The following GINS3 variants were observed in gnomAD, a reference collection of about 807,000 sequenced individuals.
GINS3 encodes DNA replication complex GINS protein PSF3.
Under a neutral mutation model 20.0 loss-of-function variants are expected in GINS3, and 18 were observed. The observed-to-expected ratio is 0.90, with a 90% confidence interval of 0.62 to 1.33. The LOEUF (loss-of-function observed/expected upper bound fraction) is 1.33. Among genes scored for constraint, GINS3 ranks in the 40% most tolerant of loss-of-function variants. The pLI is 0.00. For synonymous variants in GINS3, 109 were observed against 107.0 expected (o/e 1.02, Z -0.12); for missense variants, 254 against 273.6 (o/e 0.93, Z 0.51).
At chr16:58,404,237 A>G in intron 2 of GINS3, 1 of 454,816 alleles carries the variant, frequency 2.2e-6, no homozygotes, top group East Asian at 4.0e-5. Flanking sequence ...TGTGCTAGCC[A>G]TTTGCTAGGT....
At position 58,397,209 on chromosome 16, in the gene GINS3, C is replaced by T. The variant is rs560305137; in HGVS notation, c.186+4422C>T. Reference sequence around the variant, plus strand: ...GCAGAGGGTCTCCTCACTTCTCAGACGGGGCGGCCGGGCAGAGATGCTCCT... The same window carrying T: ...GCAGAGGGTCTCCTCACTTCTCAGATGGGGCGGCCGGGCAGAGATGCTCCT... On this transcript the variant is annotated intron_variant, in intron 1 of 2. Transcript: ENST00000318129. Among the ~76,000 whole-genome samples the T allele has an allele frequency of 6.2e-3, 875 of 142,204 alleles. 8 individuals carry two copies. Among genetic ancestry groups the T allele is most frequent in the African/African-American group, 0.022 (832 of 37,560 alleles). The allele number at this position is 142,204 out of a possible 152,430, so 93.3% of individuals were successfully genotyped here.
At position 58,404,454 on chromosome 16, in the gene GINS3, G is replaced by A. The variant is rs200509630; in HGVS notation, c.421-45G>A. On this transcript the variant is annotated intron_variant, in intron 2 of 2. Transcript: ENST00000318129. The stretch of plus-strand genomic sequence containing the variant: ...AGATAAAAATGGATATGACTTTGTG[G>A]GGTGTGAGGTCAACCCTGACTTGTC... 1,233 of 1,210,860 alleles carry A rather than the reference G, an allele frequency of 1.0e-3. 1 individual carries two copies. Among genetic ancestry groups the A allele is most frequent in the Non-Finnish European group, 1.4e-3 (1,117 of 816,318 alleles). 75.0% of individuals were successfully genotyped at this position (1,210,860 alleles called of 1,614,324 possible). A position where few individuals can be genotyped will look rare whatever the true frequency, so the allele number is the denominator to read the frequency against.
chr16:58,402,989 C>G, intron 1 of GINS3, 109 bp from the exon 2 acceptor site: 1 of 838,224 alleles, frequency 1.2e-6, no homozygotes, highest in Non-Finnish European at 1.9e-6. Context: ...CAGCCACTCC[C>G]CCAAAGAGAA....
chr16:58,401,875 A>G (rs991243213), intron 1 of GINS3, among the ~76,000 whole-genome samples: 1 of 148,564 alleles, frequency 6.7e-6, no homozygotes, highest in Non-Finnish European at 1.5e-5. Flanking sequence ...TTTTATTAGT[A>G]TTTATTCTAT....
At position 58,405,530 on chromosome 16, in the gene GINS3, G is replaced by A. The variant is rs1466054402; in HGVS notation, c.*801G>A. 6.6e-6 allele frequency: 1 copy of A among 152,122 alleles called. No individual in the cohort carries two copies. Among genetic ancestry groups the A allele is most frequent in the Non-Finnish European group, 1.5e-5 (1 of 68,028 alleles). 9.4% of individuals were successfully genotyped at this position (152,122 alleles called of 1,614,324 possible). On this transcript the variant is annotated 3_prime_UTR_variant, in exon 3 of 3. Transcript: ENST00000318129. Reference sequence around the variant, plus strand: ...TTGGAATTGCAATGTAGTTATTAAGGGCTGTTAACCAGCCTGCATTACATC... The same window carrying A: ...TTGGAATTGCAATGTAGTTATTAAGAGCTGTTAACCAGCCTGCATTACATC...
chr16:58,402,669 G>A (rs772049860), intron 1 of GINS3, among the ~76,000 whole-genome samples: 9 of 152,128 alleles, frequency 5.9e-5, no homozygotes, highest in Non-Finnish European at 1.3e-4. Flanking sequence ...CTCAAGCTCA[G>A]GTTGATCTTA....
intron 1 of GINS3, among the ~76,000 whole-genome samples, chr16:58,396,849 G>A (rs1324294085): frequency 9.1e-5 from 11 of 121,090 alleles, no homozygotes; most frequent in South Asian, 2.7e-4. Flanking sequence ...GGGCAGAGGC[G>A]CCCCTCACCT....
rs1391289157 is a variant in GINS3 at position 58,404,875 on chromosome 16, C to G, written c.*146C>G. ...CCATAGAGAATTATAGGGAACTGGACATGCTGGAGGATGTGGGTGTCCCTG... is the reference window on the plus strand; with the variant it reads ...CCATAGAGAATTATAGGGAACTGGAGATGCTGGAGGATGTGGGTGTCCCTG... On this transcript the variant is annotated 3_prime_UTR_variant, in exon 3 of 3. Transcript: ENST00000318129. 1.5e-6 allele frequency: 1 copy of G among 651,268 alleles called. No individual in the cohort carries two copies. Among genetic ancestry groups the G allele is most frequent in the African/African-American group, 1.8e-5 (1 of 54,866 alleles). 40.3% of individuals were successfully genotyped at this position (651,268 alleles called of 1,614,324 possible).
intron 1 of GINS3, among the ~76,000 whole-genome samples, chr16:58,396,087 G>A (rs940209151): frequency 2.8e-5 from 4 of 144,272 alleles, no homozygotes; most frequent in Non-Finnish European, 4.6e-5. Context: ...CGGGCGGGGG[G>A]CTGACTCCCC....
At chr16:58,403,494 T>TACACACACACACACAC (rs3833044) in intron 2 of GINS3, 163 bp downstream of exon 2, 1 of 517,484 alleles carries the variant, frequency 1.9e-6, no homozygotes, top group African/African-American at 2.0e-5. Context: ...TTTACATATA[T>TACACACACACACACAC]ACACACACAC....
At position 58,392,977 on chromosome 16, in the gene GINS3, T is replaced by A. The variant is rs115520579; in HGVS notation, c.186+190T>A. On this transcript the variant is annotated intron_variant, in intron 1 of 2. Transcript: ENST00000318129. The stretch of plus-strand genomic sequence containing the variant: ...TTCGCGCTCGGGGTGGTCTCCAGAC[T>A]TCTTGTTCGCCATCTGTGGTGAAAC... 7.6e-3 allele frequency among the ~76,000 whole-genome samples: 1,158 copies of A among 152,348 alleles called. 13 individuals carry two copies. The highest frequency in any genetic ancestry group is 0.027 in the African/African-American group (1,118 of 41,578).
At chr16:58,395,314 A>C (rs891407835) in intron 1 of GINS3, 109 of 220,430 alleles carry the variant, frequency 4.9e-4, no homozygotes, top group Non-Finnish European at 7.7e-4. Context: ...ATTCTTCTGT[A>C]ATATTTGTAT....
intron 1 of GINS3, among the ~76,000 whole-genome samples, chr16:58,395,605 C>G (rs1965842654): frequency 6.6e-6 from 1 of 152,164 alleles, no homozygotes; most frequent in Non-Finnish European, 1.5e-5. Flanking sequence ...CATTCAACCC[C>G]TGAGTGGACA....
At chr16:58,403,517 A>G in intron 2 of GINS3, 186 bp downstream of exon 2, 2 of 568,774 alleles carry the variant, frequency 3.5e-6, no homozygotes, top group Non-Finnish European at 6.2e-6. Flanking sequence ...ACACACACAC[A>G]CACATTTTTT....
rs1567533994 is a variant in GINS3 at position 58,392,650 on chromosome 16, G to C, written c.49G>C (p.Glu17Gln). Reference protein sequence around the residue: ...RVESGALGPEENFLSLDDILM... With the variant: ...RVESGALGPEQNFLSLDDILM... The stretch of plus-strand genomic sequence containing the variant: ...GGAGTCGGGTGCGCTGGGGCCTGAG[G>C]AGAACTTTCTTTCTTTGGACGACAT... The change falls in exon 1 of 3, where the codon GAG (glutamate) becomes CAG (glutamine). Residue 17 changes from glutamate to glutamine, a missense_variant. Physicochemically the swap from Glu to Gln is conservative, Grantham distance 29. Transcript: ENST00000318129. 1.9e-6 allele frequency: 3 copies of C among 1,614,240 alleles called. No homozygotes were observed. The South Asian group carries it at 3.3e-5, about 18-fold the overall frequency.
intron 1 of GINS3, chr16:58,395,076 AT>A (rs56933339): frequency 0.24 from 108,635 of 446,000 alleles, 1,674 homozygotes; most frequent in African/African-American, 0.29. Flanking sequence ...ATTTTATCTA[AT>A]TTTTTTTTTT....
chr16:58,400,371 A>G (rs886711613), intron 1 of GINS3, among the ~76,000 whole-genome samples: 3 of 152,206 alleles, frequency 2.0e-5, no homozygotes, highest in Non-Finnish European at 4.4e-5. Context: ...ACTGTCTCCT[A>G]GGGAAGCTTG....
intron 1 of GINS3, among the ~76,000 whole-genome samples, chr16:58,401,534 G>A (rs963184896): frequency 6.6e-6 from 1 of 152,090 alleles, no homozygotes; most frequent in African/African-American, 2.4e-5. Context: ...TGATTGGTCC[G>A]TTTTACAGAG....
rs1238577124 is a variant in GINS3, at chr16:58,405,494, CAG to C, written c.*766_*767del. On this transcript the variant is annotated 3_prime_UTR_variant, in exon 3 of 3. Transcript: ENST00000318129. ...TCTACTCCCTGTCTAGAAAAGCTGTCAGGGAGTCGTTTGGAATTGCAATGTAG... is the reference window on the plus strand; with the variant it reads ...TCTACTCCCTGTCTAGAAAAGCTGTCGGAGTCGTTTGGAATTGCAATGTAG... 2 of 152,186 alleles carry C rather than the reference CAG, an allele frequency of 1.3e-5. No individual in the cohort carries two copies. Among genetic ancestry groups the C allele is most frequent in the East Asian group, 1.9e-4 (1 of 5,192 alleles). The allele number at this position is 152,186 out of a possible 1,614,324, so 9.4% of individuals were successfully genotyped here.
Sources: gnomAD v4.1 joint callset for allele counts (sites outside exome capture counted in the v4.1 genomes callset) on GRCh38, gnomAD v4.1.1 for gene constraint, MANE v1.5 for transcripts, NCBI Gene and HGNC (gene_info 2026-07-23, HGNC 2026-07-21) for gene names.